ASIC4: variants seen among roughly 807,000 people sequenced by gnomAD.
The protein encoded by ASIC4 is acid sensing ion channel subunit family member 4.
In ASIC4, 28 loss-of-function variants were observed where a neutral mutation model predicts 53.4. That is an observed-to-expected ratio of 0.52 (90% CI 0.39 to 0.72). ASIC4 has a LOEUF of 0.72. Ranked by LOEUF, ASIC4 falls within the 30% of genes least tolerant of loss-of-function variation. The pLI, the probability that ASIC4 is intolerant of heterozygous loss-of-function variation, is 0.00. For synonymous variants in ASIC4, 289 were observed against 301.4 expected (o/e 0.96, Z 0.43); for missense variants, 649 against 729.7 (o/e 0.89, Z 1.27).
chr2:219,531,717 T>C, intron 1 of ASIC4, 41 bp from the exon 2 acceptor site: 1 of 1,538,256 alleles, frequency 6.5e-7, no homozygotes, highest in Non-Finnish European at 8.8e-7. Flanking sequence ...CCTTGGCCAC[T>C]CCTTTCATCT....
chr2:219,531,690 A>G, intron 1 of ASIC4, 68 bp from the exon 2 acceptor site: 1 of 1,514,502 alleles, frequency 6.6e-7, no homozygotes, highest in Non-Finnish European at 8.9e-7. Flanking sequence ...AGCAGGGAGC[A>G]GGGAACTTCG....
Position 219,532,715 on chromosome 2 carries a change from C to A in ASIC4, c.1019-168C>A, listed in dbSNP as rs1276302947. 6 of 829,158 alleles carry A rather than the reference C, an allele frequency of 7.2e-6. No individual in the cohort carries two copies. In the African/African-American group the frequency reaches 8.6e-5, roughly 12 times the overall value. 51.4% of individuals were successfully genotyped at this position (829,158 alleles called of 1,614,324 possible). A position where few individuals can be genotyped will look rare whatever the true frequency, so the allele number is the denominator to read the frequency against. ...ATATGTATTTGTGTACGTGCATGCT[C>A]ATTTATATCCGTGGTTGCGTATTTG... On this transcript the variant is annotated intron_variant, in intron 4 of 9. Transcript: ENST00000358078.
intron 1 of ASIC4, among the ~76,000 whole-genome samples, chr2:219,528,166 A>G (rs1303900535): frequency 2.0e-5 from 3 of 152,240 alleles, no homozygotes; most frequent in Admixed American, 1.3e-4. Context: ...TCAGATTTCT[A>G]CAAATACTAA....
rs1332768000 is a variant in ASIC4 at position 219,523,299 on chromosome 2, C to A, written c.582+7993C>A. Among the ~76,000 whole-genome samples, 3 of 151,964 alleles carry A rather than the reference C, an allele frequency of 2.0e-5. No individual in the cohort carries two copies. The East Asian group carries it at 5.8e-4, about 30-fold the overall frequency. On this transcript the variant is annotated intron_variant, in intron 1 of 9. Coordinates refer to ENST00000358078, the MANE Select transcript of ASIC4 (RefSeq NM_018674.6). ...AATGGTTTTGACCGTTTACCTGGGT[C>A]CCGGAGGCCTTCATCCTCCCGTTCT...
the ASIC4 span, among the ~76,000 whole-genome samples, chr2:219,508,412 G>C: frequency 2.0e-5 from 3 of 152,210 alleles, no homozygotes; most frequent in African/African-American, 7.2e-5. Flanking sequence ...AGTGGGGGTG[G>C]GGACATGGTG....
rs558445134 is a variant in ASIC4, at chr2:219,522,550, C to T, written c.582+7244C>T. 4.6e-3 allele frequency among the ~76,000 whole-genome samples: 708 copies of T among 152,264 alleles called. 3 individuals are homozygous for T. Among genetic ancestry groups the T allele is most frequent in the Non-Finnish European group, 8.0e-3 (542 of 68,004 alleles). Reference sequence around the variant, plus strand: ...GGTTCCGTTTCTGGTCGCAGCCTCCCGGGCCTCGTGCTGATCATGTCTCAC... The same window carrying T: ...GGTTCCGTTTCTGGTCGCAGCCTCCTGGGCCTCGTGCTGATCATGTCTCAC... On this transcript the variant is annotated intron_variant, in intron 1 of 9. Coordinates refer to ENST00000358078, the MANE Select transcript of ASIC4 (RefSeq NM_018674.6).
rs992723610 is a variant in ASIC4 at position 219,514,665 on chromosome 2, C to T, written c.-60C>T. 1.9e-6 allele frequency: 3 copies of T among 1,613,142 alleles called. No individual in the cohort carries two copies. Among genetic ancestry groups the T allele is most frequent in the East Asian group, 4.5e-5 (2 of 44,870 alleles). On this transcript the variant is annotated 5_prime_UTR_variant, in exon 1 of 10. Transcript: ENST00000358078. ...ACTGCCACTCGGGAGGGCACCAGGGCTGCTGGCTAGGGAGGGACAGGGCAG... is the reference window on the plus strand; with the variant it reads ...ACTGCCACTCGGGAGGGCACCAGGGTTGCTGGCTAGGGAGGGACAGGGCAG...
rs114256723 is a variant in ASIC4, at chr2:219,515,358, G to A, written c.582+52G>A. The stretch of plus-strand genomic sequence containing the variant: ...GCCTTGGATGGCCGGAGGCTGGGGA[G>A]TGGGGAGGAGTGGTGGCAGTGGTGT... On this transcript the variant is annotated intron_variant, in intron 1 of 9. Transcript: ENST00000358078. The A allele has an allele frequency of 1.3e-3, 2,032 of 1,563,536 alleles. 26 individuals are homozygous for A. In the African/African-American group the frequency reaches 0.024, roughly 18 times the overall value.
chr2:219,532,629 T>A, intron 4 of ASIC4, 152 bp downstream of exon 4: 1 of 1,153,820 alleles, frequency 8.7e-7, no homozygotes, highest in Non-Finnish European at 1.2e-6. Context: ...TTGGGATTTT[T>A]AAACATGGTT....
Position 219,537,675 on chromosome 2 carries a change from C to A in ASIC4, c.1445C>A (p.Thr482Asn), listed in dbSNP as rs1389673670. 2 of 1,614,002 alleles carry A rather than the reference C, an allele frequency of 1.2e-6. No homozygotes were observed. Among genetic ancestry groups the A allele is most frequent in the Non-Finnish European group, 1.7e-6 (2 of 1,179,938 alleles). The change falls in exon 9 of 10, where the codon ACC (threonine) becomes AAC (asparagine). Residue 482 changes from threonine to asparagine, a missense_variant. By Grantham distance (65) the Thr-to-Asn change is moderately conservative. Coordinates refer to ENST00000358078, the MANE Select transcript of ASIC4 (RefSeq NM_018674.6). This position sits in a 1 kb window ranked among gnomAD's most constrained non-coding sequence, Gnocchi z 4.9. Reference protein sequence around the residue: ...RLKRVWRRPKTPLRTSTGGIS... With the variant: ...RLKRVWRRPKNPLRTSTGGIS... ...AAGCGGGTATGGAGGCGTCCCAAGA[C>A]CCCCCTGCGGACCTCCACTGGGGGC...
At chr2:219,534,186 C>T (rs1007799215) in intron 5 of ASIC4, 3 of 152,312 alleles carry the variant, frequency 2.0e-5, no homozygotes, top group African/African-American at 7.2e-5. Context: ...GTAATCCAGA[C>T]ACCTGGGGCC....
At position 219,537,519 on chromosome 2, in the gene ASIC4, C is replaced by A; in HGVS notation, c.1402-113C>A. 1 of 1,074,668 alleles carries A rather than the reference C, an allele frequency of 9.3e-7. No individual in the cohort carries two copies. The highest frequency in any genetic ancestry group is 1.4e-6 in the Non-Finnish European group (1 of 735,712). The allele number at this position is 1,074,668 out of a possible 1,614,324, so 66.6% of individuals were successfully genotyped here. A position where few individuals can be genotyped will look rare whatever the true frequency, so the allele number is the denominator to read the frequency against. Reference sequence around the variant, plus strand: ...GGGTGAGGAGGAGGAGGGTGTCCTACTGGGAGTTTGCTGTGGCAGTAAGTC... The same window carrying A: ...GGGTGAGGAGGAGGAGGGTGTCCTAATGGGAGTTTGCTGTGGCAGTAAGTC... On this transcript the variant is annotated intron_variant, in intron 8 of 9. Coordinates refer to ENST00000358078, the MANE Select transcript of ASIC4 (RefSeq NM_018674.6). The surrounding 1 kb of genome is among the most constrained non-coding windows in gnomAD (Gnocchi z 4.9).
At chr2:219,522,023 G>A (rs1219834562) in intron 1 of ASIC4, among the ~76,000 whole-genome samples, 12 of 152,234 alleles carry the variant, frequency 7.9e-5, no homozygotes, top group Admixed American at 6.5e-4. Context: ...TCTAGGAAGA[G>A]GTGGGCAGGG....
chr2:219,514,841 C>T lies in ASIC4; in HGVS notation c.117C>T (p.Pro39=), dbSNP rs769012963. ...LLGAVAPGAA[P]RDLATFASTS... The stretch of plus-strand genomic sequence containing the variant: ...GGGCTGTTGCCCCTGGAGCAGCCCC[C>T]CGAGACCTGGCCACCTTTGCCAGCA... Residue 39 remains proline, a synonymous_variant, in exon 1 of 10, where the codon CCC becomes CCT. Coordinates refer to ENST00000358078, the MANE Select transcript of ASIC4 (RefSeq NM_018674.6). 159 of 1,613,028 alleles carry T rather than the reference C, an allele frequency of 9.9e-5. No homozygotes were observed. The highest frequency in any genetic ancestry group is 1.3e-4 in the Non-Finnish European group (154 of 1,179,956).
intron 1 of ASIC4, among the ~76,000 whole-genome samples, chr2:219,525,723 T>C (rs949930378): frequency 6.6e-6 from 1 of 152,188 alleles, no homozygotes; most frequent in African/African-American, 2.4e-5. Flanking sequence ...AGCTAGGCCC[T>C]GGGAGCTGTT....
chr2:219,508,159 C>T, the ASIC4 span, among the ~76,000 whole-genome samples: 1 of 152,168 alleles, frequency 6.6e-6, no homozygotes, highest in Non-Finnish European at 1.5e-5. Context: ...GGCTGCAGGT[C>T]CCCACTCTGG....
In ASIC4 at chr2:219,538,363, AT is replaced by A. The variant is rs1280179606; in HGVS notation, c.*320del. 6.9e-6 allele frequency: 1 copy of A among 145,308 alleles called. No individual in the cohort carries two copies. Among genetic ancestry groups the A allele is most frequent in the African/African-American group, 2.8e-5 (1 of 35,600 alleles). 9.0% of individuals were successfully genotyped at this position (145,308 alleles called of 1,614,324 possible). A position where few individuals can be genotyped will look rare whatever the true frequency, so the allele number is the denominator to read the frequency against. ...GCCGGGGAGGGGGAGCCCTCTGTAC[AT>A]TTGTAAATATTTAGGGAAAGCCGGG... On this transcript the variant is annotated 3_prime_UTR_variant, in exon 10 of 10. Coordinates refer to ENST00000358078, the MANE Select transcript of ASIC4 (RefSeq NM_018674.6).
chr2:219,510,767 G>A (rs893839189), upstream of ASIC4, among the ~76,000 whole-genome samples: 8 of 152,090 alleles, frequency 5.3e-5, no homozygotes, highest in Admixed American at 3.3e-4. The surrounding 1 kb of genome is among the most constrained non-coding windows in gnomAD (Gnocchi z 5.2). Context: ...GAGTACTGGC[G>A]GACAGTGGGG....
chr2:219,530,435 T>G (rs193114682), intron 1 of ASIC4, among the ~76,000 whole-genome samples: 5 of 152,384 alleles, frequency 3.3e-5, no homozygotes, highest in Admixed American at 6.5e-5. Flanking sequence ...AAGTGTCCCT[T>G]GTGCCCTGCA....
Sources: gnomAD v4.1 joint callset for allele counts (sites outside exome capture counted in the v4.1 genomes callset) on GRCh38, gnomAD v4.1.1 for gene constraint, Gnocchi (gnomAD v3.1) non-coding constraint, MANE v1.5 for transcripts, NCBI Gene and HGNC (gene_info 2026-07-23, HGNC 2026-07-21) for gene names.